Variants in TTC7B observed in about 807,000 individuals in gnomAD.
TTC7B encodes the protein tetratricopeptide repeat domain 7B.
Under a neutral mutation model 106.8 loss-of-function variants are expected in TTC7B, and 28 were observed. The observed-to-expected ratio is 0.26, with a 90% CI of 0.19 to 0.36. The LOEUF is 0.36. Ranked by LOEUF, TTC7B falls within the 10% of genes least tolerant of loss-of-function variation. The pLI is 1.00. For missense variants in TTC7B, 862 were observed against 1,076.4 expected, an observed-to-expected ratio of 0.80 and a Z score of 2.79; for synonymous variants, 405 against 430.6, an observed-to-expected ratio of 0.94 and a Z score of 0.74.
chr14:90,714,315 T>A (rs144707581), intron 5 of TTC7B, among the ~76,000 whole-genome samples: 11 of 152,000 alleles, frequency 7.2e-5, no homozygotes, highest in Non-Finnish European at 1.6e-4. Context: ...GGCGAATCTA[T>A]AGACACAGAG....
chr14:90,786,911 T>C lies in TTC7B; in HGVS notation c.122-583A>G, dbSNP rs146036217. The stretch of plus-strand genomic sequence containing the variant: ...TAGATACACATTAACGTGGAGAGAG[T>C]TCAAGTTCAGTAGGAAAAAAACAAA... On this transcript the variant is annotated intron_variant, in intron 1 of 19. Coordinates refer to ENST00000328459, the MANE Select transcript of TTC7B (RefSeq NM_001010854.2). 1.5e-3 allele frequency among the ~76,000 whole-genome samples: 220 copies of C among 151,108 alleles called. 1 individual carries two copies. The highest frequency in any genetic ancestry group is 4.9e-3 in the African/African-American group (202 of 41,156).
intron 6 of TTC7B, 29 bp from the exon 7 acceptor site, chr14:90,689,741 C>T (rs544986389): frequency 6.2e-7 from 1 of 1,610,126 alleles, no homozygotes; most frequent in Non-Finnish European, 8.5e-7. Context: ...AAAAGCATAG[C>T]CATGAATCTA....
intron 19 of TTC7B, among the ~76,000 whole-genome samples, chr14:90,551,931 T>C (rs1890098659): frequency 1.3e-5 from 2 of 152,218 alleles, no homozygotes; most frequent in African/African-American, 4.8e-5. Flanking sequence ...TGTGCCAGCT[T>C]TTCCACCTGG....
Position 90,658,339 on chromosome 14 carries a change from A to G in TTC7B, c.1201T>C (p.Tyr401His), listed in dbSNP as rs1182624091. ...KFAFEEFHLW[Y>H]QFALSLMAAG... ...GCCATCAGGGACAGAGCAAACTGGT[A>G]CCACAGGTGGAATTCCTCAAAGGCA... The change falls in exon 10 of 20, where the codon TAC (tyrosine) becomes CAC (histidine). Residue 401 changes from tyrosine to histidine, a missense_variant. Physicochemically the swap from Tyr to His is moderately conservative, Grantham distance 83. Coordinates refer to ENST00000328459, the MANE Select transcript of TTC7B (RefSeq NM_001010854.2). The G allele has an allele frequency of 6.2e-7, 1 of 1,613,990 alleles. No individual in the cohort carries two copies. The highest frequency in any genetic ancestry group is 8.5e-7 in the Non-Finnish European group (1 of 1,179,960).
In TTC7B at chr14:90,600,819, T is replaced by A. The variant is rs1336349683; in HGVS notation, c.1967-7193A>T. On this transcript the variant is annotated intron_variant, in intron 17 of 19. Coordinates refer to ENST00000328459, the MANE Select transcript of TTC7B (RefSeq NM_001010854.2). The surrounding 1 kb of genome is among the most constrained non-coding windows in gnomAD (Gnocchi z 4.3). The stretch of plus-strand genomic sequence containing the variant: ...CAGAGCGAGCCGCTGCCGGTGGCTC[T>A]GCGCTAGAGACAGTACCTTCTGGAG... Among the ~76,000 whole-genome samples, 3 of 152,182 alleles carry A rather than the reference T, an allele frequency of 2.0e-5. No homozygotes were observed. The highest frequency in any genetic ancestry group is 4.4e-5 in the Non-Finnish European group (3 of 68,022).
chr14:90,607,742 G>C (rs966570835), intron 17 of TTC7B, among the ~76,000 whole-genome samples: 9 of 152,180 alleles, frequency 5.9e-5, no homozygotes, highest in African/African-American at 2.2e-4. Flanking sequence ...CTGTAAACAA[G>C]AATAAGGCAA....
chr14:90,754,986 A>AT (rs1851892345), intron 3 of TTC7B, among the ~76,000 whole-genome samples: 1 of 152,226 alleles, frequency 6.6e-6, no homozygotes, highest in Non-Finnish European at 1.5e-5. Context: ...CTTCAGTAGC[A>AT]TTTAGCACAT....
intron 1 of TTC7B, among the ~76,000 whole-genome samples, chr14:90,800,878 C>G (rs1434325216): frequency 6.6e-6 from 1 of 151,166 alleles, no homozygotes; most frequent in South Asian, 2.1e-4. Context: ...GACACTAAAC[C>G]TCTGGCTTTA....
intron 15 of TTC7B, among the ~76,000 whole-genome samples, chr14:90,629,369 A>G (rs1286448): frequency 0.028 from 4,311 of 152,302 alleles, 191 homozygotes; most frequent in African/African-American, 0.098. Flanking sequence ...GTAACCAGCA[A>G]GCACCTTATA....
At chr14:90,594,729 T>A (rs199539965) in intron 17 of TTC7B, among the ~76,000 whole-genome samples, 1 of 152,154 alleles carries the variant, frequency 6.6e-6, no homozygotes, top group East Asian at 1.9e-4. Context: ...ACAAAATAAA[T>A]GGAGTTATAT....
chr14:90,655,900 A>G (rs902569611), intron 11 of TTC7B, among the ~76,000 whole-genome samples: 12 of 152,166 alleles, frequency 7.9e-5, no homozygotes, highest in African/African-American at 2.9e-4. Context: ...AGGCATTTCA[A>G]GATGTATATG....
chr14:90,790,487 G>C (rs930887333), intron 1 of TTC7B, among the ~76,000 whole-genome samples: 1 of 152,048 alleles, frequency 6.6e-6, no homozygotes, highest in East Asian at 1.9e-4. Context: ...TTGTCACTCG[G>C]TGACTTTGGC....
At chr14:90,809,253 T>C (rs2030768602) in intron 1 of TTC7B, among the ~76,000 whole-genome samples, 2 of 152,244 alleles carry the variant, frequency 1.3e-5, no homozygotes, top group Admixed American at 6.5e-5. Context: ...AGCATGGATG[T>C]CACCCTTAAG....
At chr14:90,697,669 T>C (rs1274303114) in intron 5 of TTC7B, 4 of 152,188 alleles carry the variant, frequency 2.6e-5, no homozygotes, top group Non-Finnish European at 5.9e-5. Flanking sequence ...ATGCGGGTAA[T>C]GCCCTGGGCT....
intron 19 of TTC7B, among the ~76,000 whole-genome samples, chr14:90,555,278 C>T (rs1890255010): frequency 6.6e-6 from 1 of 152,204 alleles, no homozygotes; most frequent in Non-Finnish European, 1.5e-5. Flanking sequence ...AGTGACGCAG[C>T]CGACTTCCCT....
intron 19 of TTC7B, among the ~76,000 whole-genome samples, chr14:90,560,256 C>T (rs1890514652): frequency 6.6e-6 from 1 of 152,208 alleles, no homozygotes; most frequent in Non-Finnish European, 1.5e-5. Flanking sequence ...TAAACACTTC[C>T]ACCATGGCCG....
intron 17 of TTC7B, among the ~76,000 whole-genome samples, chr14:90,606,817 A>G (rs985401554): frequency 1.3e-5 from 2 of 152,226 alleles, no homozygotes; most frequent in Non-Finnish European, 2.9e-5. Flanking sequence ...TCCTCATGTT[A>G]TTCCACAGCT....
Position 90,525,898 on chromosome 14 carries a change from G to A in TTC7B, c.*15470C>T, listed in dbSNP as rs900028745. 5.0e-5 allele frequency: 7 copies of A among 141,188 alleles called. No homozygotes were observed. Among genetic ancestry groups the A allele is most frequent in the African/African-American group, 1.6e-4 (6 of 38,314 alleles). 8.7% of individuals were successfully genotyped at this position (141,188 alleles called of 1,614,324 possible). On this transcript the variant is annotated 3_prime_UTR_variant, in exon 20 of 20. Transcript: ENST00000328459. ...GAAGAGTACCAGGACATGGGGGTGGGGGTTGGGGCAAAGCTTTGCTCCCTT... is the reference window on the plus strand; with the variant it reads ...GAAGAGTACCAGGACATGGGGGTGGAGGTTGGGGCAAAGCTTTGCTCCCTT...
chr14:90,675,664 GT>G (rs957666942), intron 9 of TTC7B, among the ~76,000 whole-genome samples: 62 of 152,332 alleles, frequency 4.1e-4, no homozygotes, highest in African/African-American at 1.5e-3. Flanking sequence ...AGGCTAGAGG[GT>G]GAGTCGGGCA....
Sources: allele counts gnomAD v4.1 joint callset (sites outside exome capture counted in the v4.1 genomes callset), GRCh38; gene constraint gnomAD v4.1.1; non-coding constraint Gnocchi (gnomAD v3.1); transcripts MANE v1.5; gene names NCBI Gene and HGNC (gene_info 2026-07-23, HGNC 2026-07-21).